Variants in DNM3 observed in about 807,000 individuals in gnomAD.
DNM3 encodes the protein dynamin 3, also known as dynamin-3.
DNM3 carries 47 observed loss-of-function variants against 101.6 expected under a neutral mutation model. The observed-to-expected ratio is 0.46, with a 90% CI of 0.37 to 0.59. The LOEUF (loss-of-function observed/expected upper bound fraction) is 0.59. Ranked by LOEUF, DNM3 falls within the 20% of genes least tolerant of loss-of-function variation. DNM3 has a pLI of 0.00. For synonymous variants in DNM3, 385 were observed against 387.9 expected, an observed-to-expected ratio of 0.99 and a Z score of 0.09; for missense variants, 849 against 1,085.7, an observed-to-expected ratio of 0.78 and a Z score of 3.06.
chr1:172,310,281 C>G (rs777495611), intron 16 of DNM3: 3 of 152,156 alleles, frequency 2.0e-5, no homozygotes, highest in Non-Finnish European at 2.9e-5. Flanking sequence ...TGCACACATA[C>G]CTAATTTTTT....
chr1:172,065,204 T>C (rs2051557369), intron 10 of DNM3, among the ~76,000 whole-genome samples: 1 of 152,226 alleles, frequency 6.6e-6, no homozygotes, highest in Non-Finnish European at 1.5e-5. Flanking sequence ...AATATTTATA[T>C]TGCCACTATT....
intron 14 of DNM3, among the ~76,000 whole-genome samples, chr1:172,219,561 T>A (rs1393947145): frequency 6.6e-6 from 1 of 151,766 alleles, no homozygotes; most frequent in Middle Eastern, 3.2e-3. Flanking sequence ...TGTATGAGGG[T>A]AATGGGCCTG....
intron 1 of DNM3, among the ~76,000 whole-genome samples, chr1:171,897,111 C>G (rs1000695521): frequency 1.3e-5 from 2 of 152,004 alleles, no homozygotes; most frequent in African/African-American, 4.8e-5. Flanking sequence ...TGTAACATTG[C>G]GTTAGGGGCA....
At chr1:172,354,112 T>TGA (rs71563205) in intron 17 of DNM3, among the ~76,000 whole-genome samples, 57 of 94,958 alleles carry the variant, frequency 6.0e-4, no homozygotes, top group East Asian at 2.8e-3. Context: ...TGTGTGTGTG[T>TGA]GAGAGAGAGA....
chr1:171,892,081 C>T (rs2037333806), intron 1 of DNM3, among the ~76,000 whole-genome samples: 1 of 152,072 alleles, frequency 6.6e-6, no homozygotes, highest in Non-Finnish European at 1.5e-5. Context: ...TCCAATGCTA[C>T]TTTATTTATT....
At chr1:171,922,485 C>A (rs1401681143) in intron 2 of DNM3, among the ~76,000 whole-genome samples, 4 of 152,086 alleles carry the variant, frequency 2.6e-5, no homozygotes, top group South Asian at 2.1e-4. Context: ...GACTGAAGCA[C>A]CTCATAAAAA....
At chr1:171,892,219 C>T (rs2037351076) in intron 1 of DNM3, among the ~76,000 whole-genome samples, 1 of 151,884 alleles carries the variant, frequency 6.6e-6, no homozygotes, top group Non-Finnish European at 1.5e-5. Context: ...AATTTTCTGT[C>T]ACTACAAGAT....
At chr1:172,391,968 T>C (rs2149088343) in intron 20 of DNM3, among the ~76,000 whole-genome samples, 1 of 152,370 alleles carries the variant, frequency 6.6e-6, no homozygotes, top group Admixed American at 6.5e-5. Flanking sequence ...AGAGCATATA[T>C]ACTTTTATGT....
At chr1:172,278,421 TA>T (rs982110985) in intron 15 of DNM3, among the ~76,000 whole-genome samples, 4 of 151,932 alleles carry the variant, frequency 2.6e-5, no homozygotes, top group African/African-American at 7.2e-5. Flanking sequence ...GCTGATGAGC[TA>T]AAAAAAATTG....
Position 172,254,392 on chromosome 1 carries a change from C to T in DNM3, c.1769+710C>T, listed in dbSNP as rs547873469. 2.0e-5 allele frequency among the ~76,000 whole-genome samples: 3 copies of T among 152,272 alleles called. No individual in the cohort carries two copies. The East Asian group carries it at 5.8e-4, about 29-fold the overall frequency. On this transcript the variant is annotated intron_variant, in intron 15 of 20. Transcript: ENST00000627582. ...AGCGGACAAATTTCATATACTATGA[C>T]TAAATTCAGGGAATAGAATTATTCA...
chr1:172,006,539 C>G (rs757311853), intron 4 of DNM3, among the ~76,000 whole-genome samples: 2 of 152,038 alleles, frequency 1.3e-5, no homozygotes, highest in Non-Finnish European at 2.9e-5. Context: ...ATTCCATGTA[C>G]AAATAACTGT....
chr1:171,885,655 G>T (rs1444759672), intron 1 of DNM3, among the ~76,000 whole-genome samples: 1 of 152,106 alleles, frequency 6.6e-6, no homozygotes, highest in Admixed American at 6.5e-5. Context: ...TGTGACAGGG[G>T]ATATGCCCAC....
chr1:172,199,379 AT>A (rs1258264100), intron 14 of DNM3, among the ~76,000 whole-genome samples: 1 of 152,050 alleles, frequency 6.6e-6, no homozygotes, highest in African/African-American at 2.4e-5. Flanking sequence ...AAGAATGTAT[AT>A]TTTGTTGATT....
At chr1:172,158,363 G>T (rs1193762140) in intron 14 of DNM3, among the ~76,000 whole-genome samples, 1 of 151,990 alleles carries the variant, frequency 6.6e-6, no homozygotes, top group Non-Finnish European at 1.5e-5. Context: ...TCTTGGAGGA[G>T]AAGGTAGATC....
chr1:171,909,535 T>C lies in DNM3; in HGVS notation c.162-12213T>C, dbSNP rs140204095. ...CTTTAGTCTTCGTATTTTAAAGATG[T>C]AGAAACTGAGTCTCTTATAGATTAA... On this transcript the variant is annotated intron_variant, in intron 1 of 20. Coordinates refer to ENST00000627582, the MANE Select transcript of DNM3 (RefSeq NM_015569.5). Among the ~76,000 whole-genome samples, 851 of 152,228 alleles carry C rather than the reference T, an allele frequency of 5.6e-3. 2 individuals are homozygous for C. Among genetic ancestry groups the C allele is most frequent in the Non-Finnish European group, 7.8e-3 (529 of 67,996 alleles).
chr1:172,407,474 G>C (rs953912267), intron 20 of DNM3, among the ~76,000 whole-genome samples: 3 of 151,784 alleles, frequency 2.0e-5, no homozygotes, highest in African/African-American at 7.3e-5. Context: ...TATTCTATTG[G>C]CTAAGATATG....
intron 11 of DNM3, among the ~76,000 whole-genome samples, chr1:172,070,839 C>A (rs984347939): frequency 6.6e-6 from 1 of 151,750 alleles, no homozygotes; most frequent in African/African-American, 2.4e-5. Flanking sequence ...GTAATCCCAG[C>A]ACTTTTGGGA....
intron 20 of DNM3, among the ~76,000 whole-genome samples, chr1:172,392,495 T>C (rs938805402): frequency 6.6e-5 from 10 of 152,220 alleles, no homozygotes; most frequent in African/African-American, 1.7e-4. Context: ...ATTCTCTTAA[T>C]TGAAGATCCT....
chr1:171,984,734 C>G (rs2125603202), intron 2 of DNM3, among the ~76,000 whole-genome samples: 1 of 152,286 alleles, frequency 6.6e-6, no homozygotes, highest in African/African-American at 2.4e-5. Context: ...ATTTTCCCCC[C>G]TTAATTATAT....
Sources: gnomAD v4.1 joint callset for allele counts (sites outside exome capture counted in the v4.1 genomes callset) on GRCh38, gnomAD v4.1.1 for gene constraint, MANE v1.5 for transcripts, NCBI Gene and HGNC (gene_info 2026-07-23, HGNC 2026-07-21) for gene names.